The following CPPED1 variants were observed in gnomAD, a reference collection of about 807,000 sequenced individuals.
The protein encoded by CPPED1 is calcineurin like phosphoesterase domain containing 1.
CPPED1 carries 28 observed loss-of-function variants against 28.0 expected under a neutral mutation model. The observed-to-expected ratio is 1.00, with a 90% CI of 0.74 to 1.37. The LOEUF (loss-of-function observed/expected upper bound fraction) is 1.37. Among genes scored for constraint, CPPED1 ranks in the 40% most tolerant of loss-of-function variants. The pLI, the probability that CPPED1 is intolerant of heterozygous loss-of-function variation, is 0.00. For missense variants in CPPED1, 504 were observed against 416.5 expected (o/e 1.21, Z -1.83); for synonymous variants, 198 against 180.2 (o/e 1.10, Z -0.79).
intron 3 of CPPED1, among the ~76,000 whole-genome samples, chr16:12,692,162 T>C (rs1419308474): frequency 6.6e-6 from 1 of 152,128 alleles, no homozygotes; most frequent in Non-Finnish European, 1.5e-5. Flanking sequence ...CCGTGTCCAT[T>C]GCATTTTAAA....
chr16:12,700,259 G>A (rs1439000075), intron 3 of CPPED1, among the ~76,000 whole-genome samples: 1 of 152,228 alleles, frequency 6.6e-6, no homozygotes, highest in African/African-American at 2.4e-5. Flanking sequence ...TATACCTGCA[G>A]GTGGTGCCTG....
intron 3 of CPPED1, among the ~76,000 whole-genome samples, chr16:12,703,501 G>T (rs1223511457): frequency 6.6e-6 from 1 of 152,148 alleles, no homozygotes; most frequent in Non-Finnish European, 1.5e-5. Flanking sequence ...GGACAACATG[G>T]TGAAACCCCA....
chr16:12,797,842 G>C (rs1263004875), intron 1 of CPPED1, among the ~76,000 whole-genome samples: 1 of 152,194 alleles, frequency 6.6e-6, no homozygotes, highest in Non-Finnish European at 1.5e-5. Flanking sequence ...CAGTTTGGGA[G>C]GCTGAGGTGG....
At chr16:12,721,891 T>A (rs1474357321) in intron 2 of CPPED1, among the ~76,000 whole-genome samples, 1 of 152,198 alleles carries the variant, frequency 6.6e-6, no homozygotes, top group Non-Finnish European at 1.5e-5. Context: ...TCAAAATATT[T>A]TCTCTCCGCT....
At chr16:12,757,937 T>C (rs2080382154) in intron 2 of CPPED1, 1 of 151,850 alleles carries the variant, frequency 6.6e-6, no homozygotes, top group African/African-American at 2.4e-5. Flanking sequence ...GAACACATTA[T>C]TGAGGCAAAT....
intron 3 of CPPED1, among the ~76,000 whole-genome samples, chr16:12,683,491 G>C (rs1357149330): frequency 6.6e-6 from 1 of 152,066 alleles, no homozygotes; most frequent in Non-Finnish European, 1.5e-5. Flanking sequence ...CCAACAATCG[G>C]TTCCTAGGCT....
intron 2 of CPPED1, chr16:12,752,940 T>C (rs1164688604): frequency 1.3e-5 from 2 of 150,350 alleles, no homozygotes; most frequent in South Asian, 2.1e-4. Flanking sequence ...TAATGACATA[T>C]ATCTATTTCC....
At chr16:12,692,958 C>T (rs539722144) in intron 3 of CPPED1, among the ~76,000 whole-genome samples, 2 of 152,218 alleles carry the variant, frequency 1.3e-5, no homozygotes, top group East Asian at 3.9e-4. Context: ...GAATAGTACC[C>T]TCACCTGGAC....
At chr16:12,700,378 C>T (rs1369249045) in intron 3 of CPPED1, among the ~76,000 whole-genome samples, 2 of 152,172 alleles carry the variant, frequency 1.3e-5, no homozygotes, top group Non-Finnish European at 2.9e-5. Context: ...TCCCTAAGAC[C>T]AAAGGCCACA....
intron 3 of CPPED1, among the ~76,000 whole-genome samples, chr16:12,690,272 G>T (rs973329994): frequency 5.9e-5 from 9 of 152,130 alleles, no homozygotes; most frequent in Non-Finnish European, 8.8e-5. Context: ...AGCACTTTGG[G>T]AGGCCAAGGC....
At chr16:12,779,233 T>C (rs985286538) in intron 2 of CPPED1, among the ~76,000 whole-genome samples, 1 of 152,134 alleles carries the variant, frequency 6.6e-6, no homozygotes, top group Non-Finnish European at 1.5e-5. Flanking sequence ...TCTTTTTTCT[T>C]AGAGACAGGG....
chr16:12,736,911 T>C (rs1209569000), intron 2 of CPPED1, among the ~76,000 whole-genome samples: 3 of 151,992 alleles, frequency 2.0e-5, no homozygotes, highest in African/African-American at 7.2e-5. Flanking sequence ...GATCATCAGA[T>C]GGGTGCGGTG....
Position 12,739,737 on chromosome 16 carries a change from C to G in CPPED1, c.290-34688G>C, listed in dbSNP as rs1033373257. Among the ~76,000 whole-genome samples the G allele has an allele frequency of 3.9e-5, 6 of 152,170 alleles. No individual in the cohort carries two copies. The South Asian group carries it at 1.2e-3, about 31-fold the overall frequency. ...GCAACAACATGGTTCGCAGCCTCCT[C>G]TCTAGTTAGAGGTGGCCAAGTGGCA... On this transcript the variant is annotated intron_variant, in intron 2 of 3. Transcript: ENST00000381774.
chr16:12,739,351 G>A (rs1475949583), intron 2 of CPPED1, among the ~76,000 whole-genome samples: 1 of 152,040 alleles, frequency 6.6e-6, no homozygotes, highest in Non-Finnish European at 1.5e-5. Context: ...AGGCTGAGGC[G>A]GGTGGATCAC....
At chr16:12,721,535 C>T (rs1213170840) in intron 2 of CPPED1, among the ~76,000 whole-genome samples, 1 of 151,998 alleles carries the variant, frequency 6.6e-6, no homozygotes, top group African/African-American at 2.4e-5. Context: ...GGCGCATCTC[C>T]TGAGGTCAGG....
intron 3 of CPPED1, 85 bp downstream of exon 3, chr16:12,704,539 A>G (rs1341550295): frequency 4.3e-6 from 6 of 1,404,252 alleles, no homozygotes; most frequent in East Asian, 2.3e-5. Context: ...TTTTTGACAC[A>G]TTGCAGAGAG....
chr16:12,757,207 C>T (rs1041881606), intron 2 of CPPED1, among the ~76,000 whole-genome samples: 1 of 152,136 alleles, frequency 6.6e-6, no homozygotes, highest in African/African-American at 2.4e-5. Context: ...AAAGTTATAG[C>T]CCAGGGCTGA....
At chr16:12,674,758 G>A (rs762213105) in intron 3 of CPPED1, among the ~76,000 whole-genome samples, 6 of 152,170 alleles carry the variant, frequency 3.9e-5, no homozygotes, top group Admixed American at 6.5e-5. Flanking sequence ...AGAACTCAGG[G>A]TACTCAGACA....
At chr16:12,708,718 G>A (rs1017712225) in intron 2 of CPPED1, among the ~76,000 whole-genome samples, 4 of 152,178 alleles carry the variant, frequency 2.6e-5, no homozygotes, top group Non-Finnish European at 4.4e-5. Flanking sequence ...GTAGGGTTAC[G>A]TACTATATTA....
Sources: gnomAD v4.1 joint callset for allele counts (sites outside exome capture counted in the v4.1 genomes callset) on GRCh38, gnomAD v4.1.1 for gene constraint, MANE v1.5 for transcripts, NCBI Gene and HGNC (gene_info 2026-07-23, HGNC 2026-07-21) for gene names.